JARID2: variants seen among roughly 807,000 people sequenced by gnomAD.
The protein encoded by JARID2 is jumonji and AT-rich interaction domain containing 2.
A neutral mutation model predicts 125.6 loss-of-function variants in JARID2; 21 were observed. The observed-to-expected ratio is 0.17, with a 90% confidence interval of 0.12 to 0.24. The LOEUF (loss-of-function observed/expected upper bound fraction) is 0.24. JARID2 is among the 10% of genes least tolerant of loss of function. The pLI is 1.00. For synonymous variants in JARID2, 736 were observed against 661.6 expected, an observed-to-expected ratio of 1.11 and a Z score of -1.73; for missense variants, 1,303 against 1,639.6, an observed-to-expected ratio of 0.79 and a Z score of 3.55.
intron 1 of JARID2, among the ~76,000 whole-genome samples, chr6:15,333,024 C>G (rs188019681): frequency 1.2e-4 from 17 of 146,180 alleles, no homozygotes; most frequent in African/African-American, 4.1e-4. Flanking sequence ...CTCCGCCTCC[C>G]GGGTTCACGC....
At chr6:15,501,496 G>A (rs1307488302) in intron 8 of JARID2, 87 bp downstream of exon 8, 10 of 1,310,956 alleles carry the variant, frequency 7.6e-6, no homozygotes, top group South Asian at 1.5e-5. Flanking sequence ...GCACTGGACG[G>A]TGTGTTCTCT....
chr6:15,508,120 C>T (rs766655199), intron 11 of JARID2, among the ~76,000 whole-genome samples: 3 of 152,216 alleles, frequency 2.0e-5, no homozygotes, highest in Non-Finnish European at 2.9e-5. Context: ...CTCATGAGGC[C>T]GACGTGCTCC....
intron 1 of JARID2, among the ~76,000 whole-genome samples, chr6:15,325,360 T>G (rs970564596): frequency 1.3e-5 from 2 of 152,188 alleles, no homozygotes; most frequent in Non-Finnish European, 2.9e-5. Context: ...TTTTTCCCCC[T>G]ATTTAATTTA....
intron 4 of JARID2, among the ~76,000 whole-genome samples, chr6:15,458,941 A>G (rs775711603): frequency 2.0e-5 from 3 of 152,172 alleles, no homozygotes; most frequent in Non-Finnish European, 2.9e-5. Flanking sequence ...GCGTTCTTCA[A>G]GTCAGGGGTG....
chr6:15,502,244 C>T (rs1423674757), intron 8 of JARID2, among the ~76,000 whole-genome samples: 1 of 152,266 alleles, frequency 6.6e-6, no homozygotes, highest in Non-Finnish European at 1.5e-5. Context: ...GCTCTCCCAG[C>T]TGTCCTGGCT....
chr6:15,425,580 C>T (rs1253497622), intron 3 of JARID2, among the ~76,000 whole-genome samples: 4 of 152,076 alleles, frequency 2.6e-5, no homozygotes, highest in Admixed American at 2.6e-4. Context: ...GGAGTGGATT[C>T]CTTATAGAAG....
intron 1 of JARID2, among the ~76,000 whole-genome samples, chr6:15,332,824 C>G (rs1762751652): frequency 6.6e-6 from 1 of 151,910 alleles, no homozygotes; most frequent in Non-Finnish European, 1.5e-5. Context: ...CTGTCTACTC[C>G]TTGTTTCTTA....
At chr6:15,305,334 G>A (rs534490552) in intron 1 of JARID2, among the ~76,000 whole-genome samples, 3 of 152,010 alleles carry the variant, frequency 2.0e-5, no homozygotes, top group African/African-American at 7.2e-5. Context: ...CCTACCCCAG[G>A]AGAAAAGGGT....
intron 4 of JARID2, among the ~76,000 whole-genome samples, chr6:15,457,049 A>G (rs1485924050): frequency 6.6e-6 from 1 of 152,060 alleles, no homozygotes; most frequent in Non-Finnish European, 1.5e-5. Context: ...TTTACTGAGC[A>G]TTCTGTGTGC....
chr6:15,370,630 C>T (rs1034728628), intron 1 of JARID2, among the ~76,000 whole-genome samples: 4 of 151,952 alleles, frequency 2.6e-5, no homozygotes, highest in South Asian at 2.1e-4. Flanking sequence ...TGTGAGCCAC[C>T]GCGCCCGGCC....
rs539947415 is a variant in JARID2, at chr6:15,247,581, C to A, written c.45+997C>A. 317 of 983,136 alleles carry A rather than the reference C, an allele frequency of 3.2e-4. No homozygotes were observed. The African/African-American group carries it at 5.0e-3, about 16-fold the overall frequency. The allele number at this position is 983,136 out of a possible 1,614,324, so 60.9% of individuals were successfully genotyped here. On this transcript the variant is annotated intron_variant, in intron 1 of 17. Transcript: ENST00000341776. ...AAATGAACATACCTTAGGAATAATG[C>A]AACGTAAGAGGAAAGTTTATTTAAG...
chr6:15,326,350 T>C (rs1313787674), intron 1 of JARID2, among the ~76,000 whole-genome samples: 1 of 152,196 alleles, frequency 6.6e-6, no homozygotes, highest in Non-Finnish European at 1.5e-5. Flanking sequence ...GGACCGCATG[T>C]GTGCACCACC....
At chr6:15,481,805 G>A (rs766945015) in intron 5 of JARID2, among the ~76,000 whole-genome samples, 5 of 152,108 alleles carry the variant, frequency 3.3e-5, no homozygotes, top group Non-Finnish European at 5.9e-5. Context: ...ATTTCCGTAT[G>A]TTTGAAAACT....
intron 1 of JARID2, among the ~76,000 whole-genome samples, chr6:15,324,643 A>C (rs1762475230): frequency 1.4e-5 from 2 of 147,252 alleles, no homozygotes; most frequent in Admixed American, 1.3e-4. Context: ...CGCCTGGCTG[A>C]TTTTTGTGTT....
intron 1 of JARID2, among the ~76,000 whole-genome samples, chr6:15,327,526 AGAG>A (rs955590110): frequency 1.8e-4 from 11 of 60,028 alleles, no homozygotes; most frequent in Admixed American, 8.7e-4. Flanking sequence ...CCATTCTGGA[AGAG>A]TGTGTGTGTG....
intron 1 of JARID2, among the ~76,000 whole-genome samples, chr6:15,262,069 C>G (rs183378612): frequency 1.1e-4 from 16 of 152,088 alleles, no homozygotes; most frequent in Non-Finnish European, 1.9e-4. Flanking sequence ...CGTGAGCCAC[C>G]GCGCCCGGCC....
chr6:15,504,658 T>G, intron 9 of JARID2, 66 bp downstream of exon 9: 6 of 1,031,622 alleles, frequency 5.8e-6, no homozygotes, highest in South Asian at 2.5e-5. Context: ...CTGGAGGACA[T>G]CCTGTCCTGC....
chr6:15,313,618 TGCC>T (rs1254686602), intron 1 of JARID2, among the ~76,000 whole-genome samples: 3 of 152,178 alleles, frequency 2.0e-5, no homozygotes, highest in Non-Finnish European at 4.4e-5. Context: ...ATTTGCAGTG[TGCC>T]GTACAGATTC....
At chr6:15,345,243 C>T (rs535548488) in intron 1 of JARID2, among the ~76,000 whole-genome samples, 8 of 152,260 alleles carry the variant, frequency 5.3e-5, no homozygotes, top group South Asian at 2.1e-4. Context: ...GATTTAGGAA[C>T]GCAGCATAGT....
Sources: gnomAD v4.1 joint callset for allele counts (sites outside exome capture counted in the v4.1 genomes callset) on GRCh38, gnomAD v4.1.1 for gene constraint, MANE v1.5 for transcripts, NCBI Gene and HGNC (gene_info 2026-07-23, HGNC 2026-07-21) for gene names.